The following DCDC1 variants were observed in gnomAD, a reference collection of about 807,000 sequenced individuals.
DCDC1 encodes the protein doublecortin domain containing 1.
Under a neutral mutation model 178.3 loss-of-function variants are expected in DCDC1, and 200 were observed. The ratio of observed to expected loss-of-function variants is 1.12; its 90% CI spans 1.00 to 1.26. The LOEUF is 1.26. Among genes scored for constraint, DCDC1 ranks in the 50% most tolerant of loss-of-function variants. The pLI is 0.00. For missense variants in DCDC1, 1,983 were observed against 1,749.2 expected (o/e 1.13, Z -2.38); for synonymous variants, 690 against 604.8 (o/e 1.14, Z -2.07).
At chr11:31,178,699 C>A (rs1300343738) in intron 9 of DCDC1, among the ~76,000 whole-genome samples, 1 of 151,874 alleles carries the variant, frequency 6.6e-6, no homozygotes, top group African/African-American at 2.4e-5. Flanking sequence ...CGCAATTTTT[C>A]TTTTTTTTCC....
chr11:31,008,801 C>T (rs905018116), intron 20 of DCDC1, among the ~76,000 whole-genome samples: 9 of 152,066 alleles, frequency 5.9e-5, no homozygotes, highest in Non-Finnish European at 1.0e-4. Flanking sequence ...ATGTTTTAAA[C>T]TGGCAAGAGC....
chr11:31,022,284 A>T (rs1001577415), intron 20 of DCDC1, among the ~76,000 whole-genome samples: 7 of 152,126 alleles, frequency 4.6e-5, no homozygotes, highest in African/African-American at 1.7e-4. Flanking sequence ...TTATTGACTT[A>T]CAAGCTGCAG....
At chr11:31,053,694 C>T (rs923532323) in intron 20 of DCDC1, among the ~76,000 whole-genome samples, 15 of 152,046 alleles carry the variant, frequency 9.9e-5, no homozygotes, top group African/African-American at 2.9e-4. Flanking sequence ...TTTGATACAC[C>T]ACATAAACAG....
chr11:31,265,534 C>A lies in DCDC1; in HGVS notation c.1027G>T (p.Gly343Cys), dbSNP rs1945093684. 1 of 1,441,894 alleles carries A rather than the reference C, an allele frequency of 6.9e-7. No individual in the cohort carries two copies. The highest frequency in any genetic ancestry group is 9.2e-7 in the Non-Finnish European group (1 of 1,090,860). The allele number at this position is 1,441,894 out of a possible 1,614,324, so 89.3% of individuals were successfully genotyped here. ...LPARYFYDLYGRKIEDISKVP... is the reference protein window; with the variant it reads ...LPARYFYDLYCRKIEDISKVP... ...TTTGAAATATCTTCAATTTTTCTGC[C>A]ATACAAATCATAAAAATATCTGGCT... Residue 343 changes from glycine (G) to cysteine (C), a missense_variant, in exon 8 of 39, where the codon GGC becomes TGC. By Grantham distance (159) the Gly-to-Cys change is radical. Coordinates refer to ENST00000684477, the MANE Select transcript of DCDC1 (RefSeq NM_001387274.1).
chr11:31,103,353 T>C (rs1403967853), intron 14 of DCDC1, among the ~76,000 whole-genome samples: 4 of 152,204 alleles, frequency 2.6e-5, no homozygotes, highest in Non-Finnish European at 4.4e-5. Flanking sequence ...AATTTAGAAA[T>C]AACCACTAAA....
intron 3 of DCDC1, among the ~76,000 whole-genome samples, chr11:31,310,308 A>ATT (rs11407483): frequency 0.036 from 1,942 of 53,860 alleles, 469 homozygotes; most frequent in African/African-American, 0.048. Flanking sequence ...GTAATTCTTG[A>ATT]TTTTTTTTTT....
At chr11:31,202,143 A>G (rs1348572528) in intron 9 of DCDC1, among the ~76,000 whole-genome samples, 1 of 152,208 alleles carries the variant, frequency 6.6e-6, no homozygotes, top group Non-Finnish European at 1.5e-5. Flanking sequence ...AGAAGCACAG[A>G]CTATGCACCC....
chr11:31,014,256 T>G (rs1245338102), intron 20 of DCDC1, among the ~76,000 whole-genome samples: 1 of 151,966 alleles, frequency 6.6e-6, no homozygotes, highest in Non-Finnish European at 1.5e-5. Flanking sequence ...TTCCTCTCTT[T>G]GTTTCTTTCT....
chr11:31,279,573 A>G (rs899565797), intron 7 of DCDC1, among the ~76,000 whole-genome samples: 1 of 152,298 alleles, frequency 6.6e-6, no homozygotes, highest in East Asian at 1.9e-4. Context: ...TAAAAAAAGG[A>G]TGAGTTCATG....
intron 6 of DCDC1, among the ~76,000 whole-genome samples, chr11:31,294,860 AAGAAAGAAAAAG>A (rs1947567097): frequency 7.0e-6 from 1 of 142,384 alleles, no homozygotes; most frequent in Admixed American, 6.9e-5. Context: ...GAAAGAAAGA[AAGAAAGAAAAAG>A]AAAACAGAAA....
chr11:31,158,283 C>A (rs1965946078), intron 9 of DCDC1, among the ~76,000 whole-genome samples: 1 of 149,980 alleles, frequency 6.7e-6, no homozygotes, highest in African/African-American at 2.4e-5. Context: ...TAATTTTTTG[C>A]ATTTTTTTTT....
intron 20 of DCDC1, among the ~76,000 whole-genome samples, chr11:31,038,240 C>T (rs148514245): frequency 6.6e-6 from 1 of 151,586 alleles, no homozygotes; most frequent in African/African-American, 2.4e-5. Flanking sequence ...CACACACACA[C>T]ATAAAAACTT....
At chr11:31,246,053 C>A (rs1943538239) in intron 8 of DCDC1, among the ~76,000 whole-genome samples, 1 of 151,764 alleles carries the variant, frequency 6.6e-6, no homozygotes, top group African/African-American at 2.4e-5. Context: ...AATATATATC[C>A]CTCTCCAAAA....
intron 27 of DCDC1, 67 bp downstream of exon 27, chr11:30,915,444 A>G: frequency 1.3e-6 from 2 of 1,539,990 alleles, no homozygotes; most frequent in South Asian, 2.3e-5. Flanking sequence ...TTCTGTGGGG[A>G]CCATGCTAGA....
chr11:31,282,516 G>A (rs1000834364), intron 7 of DCDC1, among the ~76,000 whole-genome samples: 2 of 151,906 alleles, frequency 1.3e-5, no homozygotes, highest in Non-Finnish European at 2.9e-5. Context: ...TGAGTGACCT[G>A]ATATATTTGG....
chr11:31,314,027 C>T (rs913739121), intron 3 of DCDC1, among the ~76,000 whole-genome samples: 1 of 152,124 alleles, frequency 6.6e-6, no homozygotes, highest in Non-Finnish European at 1.5e-5. Flanking sequence ...CAAAGTAGTT[C>T]CTTTTTCAGT....
intron 20 of DCDC1, among the ~76,000 whole-genome samples, chr11:30,987,010 CTTGT>C (rs919490651): frequency 2.0e-5 from 3 of 151,974 alleles, no homozygotes; most frequent in Admixed American, 1.3e-4. Flanking sequence ...TGTTTGTTTG[CTTGT>C]TTATTTGTTT....
intron 10 of DCDC1, among the ~76,000 whole-genome samples, chr11:31,130,122 C>T (rs977897967): frequency 2.0e-5 from 3 of 152,084 alleles, no homozygotes; most frequent in Non-Finnish European, 2.9e-5. Context: ...AAGTGTATGT[C>T]GCTTGATGCC....
At chr11:31,284,226 A>G (rs900451205) in intron 7 of DCDC1, among the ~76,000 whole-genome samples, 1 of 152,192 alleles carries the variant, frequency 6.6e-6, no homozygotes, top group African/African-American at 2.4e-5. Context: ...TTAAGACAGG[A>G]CACATTAGGA....
Sources: gnomAD v4.1 joint callset for allele counts (sites outside exome capture counted in the v4.1 genomes callset) on GRCh38, gnomAD v4.1.1 for gene constraint, MANE v1.5 for transcripts, NCBI Gene and HGNC (gene_info 2026-07-23, HGNC 2026-07-21) for gene names.